PLCG2: variants seen among roughly 807,000 people sequenced by gnomAD.
The protein encoded by PLCG2 is 1-phosphatidylinositol 4,5-bisphosphate phosphodiesterase gamma-2.
Under a neutral mutation model 175.6 loss-of-function variants are expected in PLCG2, and 69 were observed. The observed-to-expected ratio is 0.39, with a 90% CI of 0.32 to 0.48. The LOEUF is 0.48. PLCG2 is among the 20% of genes least tolerant of loss of function. The pLI is 0.91. For synonymous variants in PLCG2, 827 were observed against 624.0 expected (o/e 1.33, Z -4.85); for missense variants, 1,798 against 1,650.9 (o/e 1.09, Z -1.54).
At chr16:81,805,500 G>GAAAAAAAAAAAAAAAAAAAAAA (rs1316978784) in intron 2 of PLCG2, among the ~76,000 whole-genome samples, 1 of 54,248 alleles carries the variant, frequency 1.8e-5, no homozygotes, top group African/African-American at 5.8e-5. Flanking sequence ...CTCCATCTCA[G>GAAAAAAAAAAAAAAAAAAAAAA]AAAAAAAAAA....
chr16:81,854,071 C>T (rs752869317), intron 2 of PLCG2, among the ~76,000 whole-genome samples: 1 of 151,374 alleles, frequency 6.6e-6, no homozygotes. Context: ...AGAGTGATCT[C>T]TAGTGAGCAT....
chr16:81,770,370 C>T (rs755176100), intron 2 of PLCG2, among the ~76,000 whole-genome samples: 1 of 152,162 alleles, frequency 6.6e-6, no homozygotes, highest in Non-Finnish European at 1.5e-5. Context: ...AAAACAATGA[C>T]AAGAGAAAAG....
At chr16:81,942,781 C>A (rs572981742) in intron 30 of PLCG2, among the ~76,000 whole-genome samples, 1 of 152,156 alleles carries the variant, frequency 6.6e-6, no homozygotes, top group Admixed American at 6.5e-5. Flanking sequence ...TAATTAATTT[C>A]GAACCCCGTG....
chr16:81,754,070 C>A (rs548357716), intron 1 of PLCG2, among the ~76,000 whole-genome samples: 6 of 152,154 alleles, frequency 3.9e-5, no homozygotes, highest in African/African-American at 7.2e-5. Context: ...CCAGGCCAGG[C>A]CTGAAAGGAC....
intron 19 of PLCG2, among the ~76,000 whole-genome samples, chr16:81,918,823 A>G (rs1909943779): frequency 6.6e-6 from 1 of 152,342 alleles, no homozygotes; most frequent in South Asian, 2.1e-4. Flanking sequence ...AAGCTAATAA[A>G]ACCAAGGAGG....
At chr16:81,848,549 C>T (rs1344512892) in intron 2 of PLCG2, among the ~76,000 whole-genome samples, 1 of 152,134 alleles carries the variant, frequency 6.6e-6, no homozygotes, top group Non-Finnish European at 1.5e-5. Context: ...CTTTTCTGTA[C>T]CTGGTCTCTC....
chr16:81,742,770 G>T (rs1333252081), intron 1 of PLCG2, among the ~76,000 whole-genome samples: 1 of 152,152 alleles, frequency 6.6e-6, no homozygotes, highest in East Asian at 1.9e-4. Flanking sequence ...AACAGGGGCC[G>T]GGAGCCTCAC....
intron 2 of PLCG2, among the ~76,000 whole-genome samples, chr16:81,815,112 T>C (rs1035990774): frequency 1.3e-5 from 2 of 152,204 alleles, no homozygotes; most frequent in African/African-American, 4.8e-5. Context: ...ATGGAAGGAA[T>C]GATAATTGGG....
chr16:81,797,225 T>C (rs1195791289), intron 2 of PLCG2, among the ~76,000 whole-genome samples: 1 of 152,082 alleles, frequency 6.6e-6, no homozygotes, highest in East Asian at 1.9e-4. Context: ...GTCTTAGGGA[T>C]TGTGCTGAGT....
chr16:81,886,266 G>A (rs1908361165), intron 9 of PLCG2, among the ~76,000 whole-genome samples: 1 of 152,186 alleles, frequency 6.6e-6, no homozygotes, highest in Non-Finnish European at 1.5e-5. Flanking sequence ...CAGGGATCTG[G>A]GGCCAGGAGA....
At chr16:81,873,354 A>G (rs960795234) in intron 7 of PLCG2, among the ~76,000 whole-genome samples, 1 of 152,266 alleles carries the variant, frequency 6.6e-6, no homozygotes, top group East Asian at 1.9e-4. Context: ...GCTTATCAGA[A>G]TACTTTTTAA....
At chr16:81,841,830 A>C (rs1905848792) in intron 2 of PLCG2, among the ~76,000 whole-genome samples, 1 of 152,172 alleles carries the variant, frequency 6.6e-6, no homozygotes, top group African/African-American at 2.4e-5. Context: ...ACATGTGTGA[A>C]GTAACCTAAC....
chr16:81,903,429 T>C (rs1188335785), intron 14 of PLCG2, among the ~76,000 whole-genome samples: 1 of 151,794 alleles, frequency 6.6e-6, no homozygotes, highest in African/African-American at 2.4e-5. Flanking sequence ...GCACGGGGAG[T>C]GTTTGGCCAA....
intron 18 of PLCG2, 57 bp from the exon 19 acceptor site, chr16:81,912,540 C>T (rs1359674946): frequency 2.5e-6 from 4 of 1,596,240 alleles, no homozygotes; most frequent in Non-Finnish European, 3.4e-6. Context: ...CTGCGGGTGG[C>T]CCACTGACAG....
chr16:81,789,496 C>T (rs1006942953), intron 2 of PLCG2, among the ~76,000 whole-genome samples: 2 of 151,840 alleles, frequency 1.3e-5, no homozygotes, highest in African/African-American at 2.4e-5. Flanking sequence ...GCTATGTTGC[C>T]GAGGCTGGTC....
chr16:81,814,689 T>C (rs761015522), intron 2 of PLCG2, among the ~76,000 whole-genome samples: 3 of 151,734 alleles, frequency 2.0e-5, no homozygotes, highest in Non-Finnish European at 4.4e-5. Context: ...TACGAGACTC[T>C]GTCTCAAAAG....
chr16:81,781,800 C>T (rs999280725), intron 1 of PLCG2, among the ~76,000 whole-genome samples: 4 of 152,164 alleles, frequency 2.6e-5, no homozygotes, highest in Non-Finnish European at 4.4e-5. Context: ...ATGCACAGAG[C>T]ACTGAAGAGA....
intron 2 of PLCG2, among the ~76,000 whole-genome samples, chr16:81,833,928 A>C (rs947681518): frequency 3.3e-5 from 5 of 152,160 alleles, no homozygotes; most frequent in Non-Finnish European, 7.3e-5. Context: ...GCAGAGGCTT[A>C]CCTGACTTCA....
chr16:81,938,804 C>G lies in PLCG2; in HGVS notation c.3202C>G (p.Leu1068Val), dbSNP rs375154673. 2 of 1,604,704 alleles carry G rather than the reference C, an allele frequency of 1.2e-6. No individual in the cohort carries two copies. The highest frequency in any genetic ancestry group is 1.7e-6 in the Non-Finnish European group (2 of 1,173,504). The change falls in exon 29 of 33, where the codon CTC (leucine) becomes GTC (valine). Residue 1068 changes from leucine to valine, a missense_variant. Coordinates refer to ENST00000564138, the MANE Select transcript of PLCG2 (RefSeq NM_002661.5). ...KILMTLTVKVLGARHLPKLGR... is the reference protein window; with the variant it reads ...KILMTLTVKVVGARHLPKLGR... ...ATGCTTCCCTTTGGTGTCCCAGGTTCTCGGTGCTCGCCATCTCCCCAAACT... is the reference window on the plus strand; with the variant it reads ...ATGCTTCCCTTTGGTGTCCCAGGTTGTCGGTGCTCGCCATCTCCCCAAACT...
Sources: gnomAD v4.1 joint callset for allele counts (sites outside exome capture counted in the v4.1 genomes callset) on GRCh38, gnomAD v4.1.1 for gene constraint, MANE v1.5 for transcripts, NCBI Gene and HGNC (gene_info 2026-07-23, HGNC 2026-07-21) for gene names.